RBFOX1: variants seen among roughly 807,000 people sequenced by gnomAD.
The protein encoded by RBFOX1 is RNA binding protein fox-1 homolog 1.
Under a neutral mutation model 57.7 loss-of-function variants are expected in RBFOX1, and 8 were observed. The observed-to-expected ratio is 0.14, with a 90% confidence interval of 0.08 to 0.25. RBFOX1 has a LOEUF of 0.25. Ranked by LOEUF, RBFOX1 falls within the 10% of genes least tolerant of loss-of-function variation. RBFOX1 has a pLI of 1.00. For missense variants in RBFOX1, 611 were observed against 548.5 expected (o/e 1.11, Z -1.14); for synonymous variants, 326 against 222.4 (o/e 1.47, Z -4.15).
intron 4 of RBFOX1, among the ~76,000 whole-genome samples, chr16:7,357,604 A>G (rs961040315): frequency 6.6e-6 from 1 of 152,022 alleles, no homozygotes; most frequent in Non-Finnish European, 1.5e-5. Context: ...CATTTCACCC[A>G]TCTTCCTGGA....
intron 10 of RBFOX1, among the ~76,000 whole-genome samples, chr16:7,612,586 G>T (rs1164918245): frequency 1.3e-5 from 2 of 151,520 alleles, no homozygotes; most frequent in Non-Finnish European, 2.9e-5. Flanking sequence ...GTCATTGTGA[G>T]AATTTCCCTT....
chr16:6,934,640 C>T (rs147346700), intron 3 of RBFOX1, among the ~76,000 whole-genome samples: 6 of 152,248 alleles, frequency 3.9e-5, no homozygotes, highest in Middle Eastern at 6.8e-3. Context: ...ATTACTCAAG[C>T]ACAGAAAGAC....
chr16:6,576,866 C>G (rs1208955338), intron 2 of RBFOX1: 1 of 152,176 alleles, frequency 6.6e-6, no homozygotes, highest in African/African-American at 2.4e-5. Flanking sequence ...GATACAGTGC[C>G]AGAGTCACTG....
chr16:6,832,609 G>C (rs1281240722), intron 3 of RBFOX1, among the ~76,000 whole-genome samples: 3 of 152,198 alleles, frequency 2.0e-5, no homozygotes, highest in African/African-American at 4.8e-5. Flanking sequence ...AGGTTTCTAA[G>C]TTATTTACCT....
chr16:5,650,634 C>T (rs1329823944), intron 3 of RBFOX1, among the ~76,000 whole-genome samples: 1 of 152,142 alleles, frequency 6.6e-6, no homozygotes, highest in African/African-American at 2.4e-5. Flanking sequence ...CTTAGATAAA[C>T]ACCAGAGGGG....
At chr16:5,981,417 G>A (rs2060170052) in intron 4 of RBFOX1, among the ~76,000 whole-genome samples, 1 of 152,170 alleles carries the variant, frequency 6.6e-6, no homozygotes, top group Non-Finnish European at 1.5e-5. Flanking sequence ...ATGAGGCATG[G>A]AAACTATTGG....
At chr16:7,316,336 C>T (rs1298831928) in intron 4 of RBFOX1, among the ~76,000 whole-genome samples, 1 of 152,196 alleles carries the variant, frequency 6.6e-6, no homozygotes, top group Admixed American at 6.5e-5. Flanking sequence ...TTTGTATAAT[C>T]TTCCTAACAT....
chr16:5,734,701 T>G (rs981742073), intron 3 of RBFOX1, among the ~76,000 whole-genome samples: 8 of 152,186 alleles, frequency 5.3e-5, no homozygotes, highest in Non-Finnish European at 1.0e-4. Flanking sequence ...GGGCAGCAGC[T>G]CTCAGATGAC....
intron 3 of RBFOX1, among the ~76,000 whole-genome samples, chr16:6,853,905 C>T (rs1005967999): frequency 1.3e-5 from 2 of 152,018 alleles, no homozygotes; most frequent in Non-Finnish European, 2.9e-5. Flanking sequence ...ATGATTTATG[C>T]AAATAATTAG....
chr16:7,554,734 C>T (rs183033127), intron 5 of RBFOX1, among the ~76,000 whole-genome samples: 1 of 152,072 alleles, frequency 6.6e-6, no homozygotes. Context: ...TTTATGAGTG[C>T]TGTGCACTCT....
chr16:5,510,211 G>A (rs1328854610), intron 2 of RBFOX1, among the ~76,000 whole-genome samples: 2 of 152,214 alleles, frequency 1.3e-5, no homozygotes, highest in African/African-American at 4.8e-5. Context: ...CTATAGCAGA[G>A]GAAGAAACAT....
At chr16:5,977,268 C>T (rs1013208781) in intron 4 of RBFOX1, among the ~76,000 whole-genome samples, 3 of 152,178 alleles carry the variant, frequency 2.0e-5, no homozygotes, top group African/African-American at 7.2e-5. Flanking sequence ...CTGCCTGCCC[C>T]ATGACCCTGG....
chr16:7,189,299 G>A (rs111325445), intron 4 of RBFOX1, among the ~76,000 whole-genome samples: 4,961 of 151,504 alleles, frequency 0.033, 101 homozygotes, highest in Non-Finnish European at 0.042. Flanking sequence ...GGTGGCGGGC[G>A]CCTGAAGTCA....
At chr16:5,937,007 A>G (rs185910542) in intron 4 of RBFOX1, among the ~76,000 whole-genome samples, 1 of 152,272 alleles carries the variant, frequency 6.6e-6, no homozygotes, top group East Asian at 1.9e-4. Flanking sequence ...CTTTTACTCA[A>G]TATCTCTGAG....
At chr16:6,834,602 T>A (rs1299711523) in intron 3 of RBFOX1, among the ~76,000 whole-genome samples, 1 of 152,030 alleles carries the variant, frequency 6.6e-6, no homozygotes, top group African/African-American at 2.4e-5. Context: ...AACTTGAAGG[T>A]GTTTGTTTGG....
At chr16:5,927,171 A>G (rs542046304) in intron 4 of RBFOX1, among the ~76,000 whole-genome samples, 2 of 152,332 alleles carry the variant, frequency 1.3e-5, no homozygotes, top group Admixed American at 1.3e-4. Flanking sequence ...CTTAAAATCC[A>G]ATGAAAGTAA....
chr16:5,843,186 A>G (rs113628874), intron 3 of RBFOX1, among the ~76,000 whole-genome samples: 11 of 152,258 alleles, frequency 7.2e-5, no homozygotes, highest in Admixed American at 3.3e-4. Flanking sequence ...GGTTTATTAT[A>G]TAAGTAAACT....
chr16:6,807,419 A>G (rs967516051), intron 3 of RBFOX1, among the ~76,000 whole-genome samples: 7 of 152,138 alleles, frequency 4.6e-5, no homozygotes, highest in Non-Finnish European at 1.0e-4. Context: ...TGGTGGTGCC[A>G]TTCACCTGGA....
At chr16:6,515,855 C>T (rs1313800807) in intron 2 of RBFOX1, among the ~76,000 whole-genome samples, 1 of 152,152 alleles carries the variant, frequency 6.6e-6, no homozygotes, top group Admixed American at 6.5e-5. Context: ...GTGAATTTCA[C>T]TCTATCCTTT....
Sources: gnomAD v4.1 joint callset for allele counts (sites outside exome capture counted in the v4.1 genomes callset) on GRCh38, gnomAD v4.1.1 for gene constraint, MANE v1.5 for transcripts, NCBI Gene and HGNC (gene_info 2026-07-23, HGNC 2026-07-21) for gene names.